The following PIBF1 variants were observed in gnomAD, a reference collection of about 807,000 sequenced individuals.
PIBF1 encodes progesterone immunomodulatory binding factor 1, also known as progesterone-induced-blocking factor 1.
In PIBF1, 90 loss-of-function variants were observed where a neutral mutation model predicts 112.5. The observed-to-expected ratio is 0.80, with a 90% CI of 0.67 to 0.95. The LOEUF (loss-of-function observed/expected upper bound fraction) is 0.95, where lower values mean the gene tolerates loss of function less well. PIBF1 is among the 40% of genes least tolerant of loss of function. The pLI, the probability that PIBF1 is intolerant of heterozygous loss-of-function variation, is 0.00. For missense variants in PIBF1, 915 were observed against 852.3 expected (o/e 1.07, Z -0.92); for synonymous variants, 301 against 288.6 (o/e 1.04, Z -0.44).
chr13:72,892,283 AAGTT>A (rs1311009281), intron 10 of PIBF1, among the ~76,000 whole-genome samples: 1 of 152,146 alleles, frequency 6.6e-6, no homozygotes, highest in Admixed American at 6.6e-5. Context: ...TTTTCCAAAA[AAGTT>A]AGTCACAAAA....
At chr13:72,791,319 G>T (rs185079892) in intron 2 of PIBF1, among the ~76,000 whole-genome samples, 1 of 152,224 alleles carries the variant, frequency 6.6e-6, no homozygotes, top group African/African-American at 2.4e-5. Flanking sequence ...CTCCCAAAGT[G>T]CTGGGATTAC....
chr13:72,976,294 AAG>A (rs1293955625), intron 16 of PIBF1, among the ~76,000 whole-genome samples: 1 of 151,618 alleles, frequency 6.6e-6, no homozygotes, highest in Non-Finnish European at 1.5e-5. Flanking sequence ...AAGAAAGAGA[AAG>A]AGGGAGGGAG....
chr13:73,001,318 G>A (rs1471185882), intron 17 of PIBF1, among the ~76,000 whole-genome samples: 3 of 152,010 alleles, frequency 2.0e-5, no homozygotes, highest in African/African-American at 7.3e-5. Flanking sequence ...AATTTACCAC[G>A]CTAATATTTG....
At chr13:72,798,178 A>G (rs936595268) in intron 5 of PIBF1, 152 bp downstream of exon 5, 1 of 716,722 alleles carries the variant, frequency 1.4e-6, no homozygotes, top group Middle Eastern at 2.6e-4. Context: ...AGGAGGTTAA[A>G]TTGGAAGTAG....
intron 2 of PIBF1, among the ~76,000 whole-genome samples, chr13:72,789,374 A>G (rs1232362446): frequency 6.6e-6 from 1 of 152,004 alleles, no homozygotes; most frequent in Non-Finnish European, 1.5e-5. Flanking sequence ...TTTTGTAGAA[A>G]CAGGGTCTCA....
chr13:72,839,392 T>C (rs2037503217), intron 9 of PIBF1, among the ~76,000 whole-genome samples: 1 of 152,208 alleles, frequency 6.6e-6, no homozygotes. Flanking sequence ...AATACAAAGC[T>C]TTAATAGGAA....
chr13:72,877,063 A>G (rs191347535), intron 10 of PIBF1, among the ~76,000 whole-genome samples: 38 of 152,240 alleles, frequency 2.5e-4, no homozygotes, highest in Admixed American at 2.1e-3. Context: ...CGCTATTCCT[A>G]GTTTACTAAG....
intron 6 of PIBF1, 33 bp from the exon 7 acceptor site, chr13:72,826,977 A>C (rs1351176959): frequency 1.5e-6 from 2 of 1,374,430 alleles, no homozygotes; most frequent in Non-Finnish European, 2.0e-6. Context: ...GGGATGTAAA[A>C]TTTACATGTC....
At chr13:72,824,571 A>G (rs2036714912) in intron 6 of PIBF1, among the ~76,000 whole-genome samples, 2 of 152,060 alleles carry the variant, frequency 1.3e-5, no homozygotes, top group Non-Finnish European at 2.9e-5. Flanking sequence ...CTTTTTGGGA[A>G]AGAGGATCTT....
At chr13:72,859,614 G>T (rs914100604) in intron 10 of PIBF1, among the ~76,000 whole-genome samples, 10 of 152,118 alleles carry the variant, frequency 6.6e-5, no homozygotes, top group African/African-American at 2.4e-4. Context: ...TCAGGCAGAA[G>T]TAATTAACTG....
chr13:72,856,393 C>T (rs1333640104), intron 10 of PIBF1, among the ~76,000 whole-genome samples: 1 of 152,094 alleles, frequency 6.6e-6, no homozygotes, highest in Admixed American at 6.6e-5. Context: ...TTTAATAATT[C>T]TTTGAAGTCA....
intron 15 of PIBF1, among the ~76,000 whole-genome samples, chr13:72,971,102 A>G (rs987177274): frequency 8.5e-5 from 13 of 152,112 alleles, no homozygotes; most frequent in African/African-American, 3.1e-4. Flanking sequence ...ATCCAGTCAA[A>G]ATCCTTTAAT....
intron 14 of PIBF1, among the ~76,000 whole-genome samples, chr13:72,953,605 T>C (rs2042362270): frequency 6.6e-6 from 1 of 152,210 alleles, no homozygotes; most frequent in Admixed American, 6.5e-5. Flanking sequence ...TAGTGTTGGC[T>C]TTCTCAGATG....
Position 72,869,177 on chromosome 13 carries a change from C to T in PIBF1, c.1322+15022C>T, listed in dbSNP as rs1365523021. On this transcript the variant is annotated intron_variant, in intron 10 of 17. Transcript: ENST00000326291. ...AAGACACATGCACACGTATGTTTAT[C>T]ACGGCATTATTCACAATAGCAAAGA... Among the ~76,000 whole-genome samples, 8 of 152,178 alleles carry T rather than the reference C, an allele frequency of 5.3e-5. No homozygotes were observed. The South Asian group carries it at 1.7e-3, about 32-fold the overall frequency.
intron 14 of PIBF1, among the ~76,000 whole-genome samples, chr13:72,934,392 G>A (rs2041802669): frequency 6.6e-6 from 1 of 152,288 alleles, no homozygotes; most frequent in African/African-American, 2.4e-5. Context: ...CTGCCTCCCA[G>A]TTTCAAGTGA....
chr13:72,994,273 A>G (rs1269776789), intron 16 of PIBF1, among the ~76,000 whole-genome samples: 1 of 152,208 alleles, frequency 6.6e-6, no homozygotes, highest in Non-Finnish European at 1.5e-5. Context: ...ATCTCAGCAA[A>G]CAACACGATT....
At chr13:72,908,917 A>G (rs572302115) in intron 12 of PIBF1, among the ~76,000 whole-genome samples, 9 of 151,850 alleles carry the variant, frequency 5.9e-5, no homozygotes, top group Admixed American at 1.3e-4. Context: ...CCCAGGAGTG[A>G]TACTGGGGAA....
At chr13:72,827,201 C>T in intron 7 of PIBF1, 83 bp downstream of exon 7, 1 of 395,142 alleles carries the variant, frequency 2.5e-6, no homozygotes, top group Non-Finnish European at 4.4e-6. Context: ...GAAGGAGAGA[C>T]ATTTTTTTTG....
At chr13:72,995,689 C>A (rs140686580) in intron 16 of PIBF1, among the ~76,000 whole-genome samples, 6 of 152,076 alleles carry the variant, frequency 3.9e-5, no homozygotes, top group Non-Finnish European at 5.9e-5. Context: ...CAGTGACTCA[C>A]GCCTGTAATC....
Sources: gnomAD v4.1 joint callset for allele counts (sites outside exome capture counted in the v4.1 genomes callset) on GRCh38, gnomAD v4.1.1 for gene constraint, MANE v1.5 for transcripts, NCBI Gene and HGNC (gene_info 2026-07-23, HGNC 2026-07-21) for gene names.